Variants in RPS6KA5 observed in about 807,000 individuals in gnomAD.
RPS6KA5 encodes ribosomal protein S6 kinase alpha-5.
Under a neutral mutation model 85.5 loss-of-function variants are expected in RPS6KA5, and 27 were observed. The observed-to-expected ratio is 0.32, with a 90% CI of 0.23 to 0.44. The LOEUF (loss-of-function observed/expected upper bound fraction) is 0.44, where lower values mean the gene tolerates loss of function less well. Ranked by LOEUF, RPS6KA5 falls within the 20% of genes least tolerant of loss-of-function variation. The probability of loss-of-function intolerance (pLI) is 1.00; values close to 1 mark genes in which losing one functional copy is unlikely to be tolerated. For synonymous variants in RPS6KA5, 334 were observed against 348.2 expected (o/e 0.96, Z 0.46); for missense variants, 811 against 980.9 (o/e 0.83, Z 2.31).
At chr14:90,956,489 A>C (rs763265132) in intron 3 of RPS6KA5, among the ~76,000 whole-genome samples, 9 of 152,130 alleles carry the variant, frequency 5.9e-5, no homozygotes, top group Admixed American at 3.3e-4. Context: ...CTTTTGATTA[A>C]AATGTTTAAT....
chr14:91,031,398 A>G (rs1595513156), intron 1 of RPS6KA5, among the ~76,000 whole-genome samples: 1 of 152,258 alleles, frequency 6.6e-6, no homozygotes, highest in African/African-American at 2.4e-5. Flanking sequence ...ATACTAAAAA[A>G]GAGGACAGCC....
intron 14 of RPS6KA5, among the ~76,000 whole-genome samples, chr14:90,877,865 G>A (rs1347930327): frequency 2.6e-5 from 4 of 152,122 alleles, no homozygotes; most frequent in African/African-American, 9.7e-5. Flanking sequence ...ATTTCTTCGC[G>A]GGTAAAAGTA....
At chr14:91,041,806 G>A (rs1442224981) in intron 1 of RPS6KA5, among the ~76,000 whole-genome samples, 1 of 152,192 alleles carries the variant, frequency 6.6e-6, no homozygotes, top group Non-Finnish European at 1.5e-5. Flanking sequence ...CACTTACCTT[G>A]AAGACTTACT....
At chr14:90,964,900 G>A (rs1278335123) in intron 3 of RPS6KA5, among the ~76,000 whole-genome samples, 1 of 131,568 alleles carries the variant, frequency 7.6e-6, no homozygotes, top group African/African-American at 2.9e-5. Flanking sequence ...TGGCAAGAGA[G>A]TGAGACCCTG....
intron 5 of RPS6KA5, 158 bp from the exon 6 acceptor site, chr14:90,923,354 T>A: frequency 1.6e-6 from 1 of 623,116 alleles, no homozygotes; most frequent in South Asian, 1.9e-5. Context: ...CAGACCACTG[T>A]CTACATAATA....
chr14:90,928,481 A>G (rs919461893), intron 5 of RPS6KA5, among the ~76,000 whole-genome samples: 2 of 151,884 alleles, frequency 1.3e-5, no homozygotes, highest in Non-Finnish European at 2.9e-5. Flanking sequence ...AGACTAATAA[A>G]ATGGACACTT....
chr14:90,863,326 A>AAAAAAAAG lies in RPS6KA5; in HGVS notation c.*8747_*8748insCTTTTTTT, dbSNP rs1566662643. 1 of 141,500 alleles carries AAAAAAAAG rather than the reference A, an allele frequency of 7.1e-6. No homozygotes were observed. Among genetic ancestry groups the AAAAAAAAG allele is most frequent in the African/African-American group, 2.8e-5 (1 of 35,484 alleles). The allele number at this position is 141,500 out of a possible 1,614,324, so 8.8% of individuals were successfully genotyped here. ...TCAAAAAAAAAAAAAAAAAAAAAAA[A>AAAAAAAAG]AAAAGAAAAGAAAAGAAAAAAATAT... On this transcript the variant is annotated 3_prime_UTR_variant, in exon 17 of 17. Transcript: ENST00000614987.
At chr14:90,916,700 C>A (rs1045088302) in intron 7 of RPS6KA5, among the ~76,000 whole-genome samples, 1 of 142,218 alleles carries the variant, frequency 7.0e-6, no homozygotes, top group East Asian at 2.2e-4. Context: ...CACACACACA[C>A]AAAACCATGA....
At chr14:91,057,503 A>G (rs1174681474) in intron 1 of RPS6KA5, among the ~76,000 whole-genome samples, 4 of 152,148 alleles carry the variant, frequency 2.6e-5, no homozygotes, top group Non-Finnish European at 5.9e-5. Context: ...AGACTGTAAT[A>G]CAAGTAAATG....
intron 2 of RPS6KA5, among the ~76,000 whole-genome samples, chr14:90,983,619 G>A (rs531882921): frequency 1.4e-5 from 2 of 147,000 alleles, no homozygotes; most frequent in South Asian, 4.3e-4. Context: ...AAAGAAGAAA[G>A]AAGAGAGAGA....
At chr14:90,881,831 A>T (rs1429935542) in intron 14 of RPS6KA5, among the ~76,000 whole-genome samples, 1 of 152,162 alleles carries the variant, frequency 6.6e-6, no homozygotes, top group Non-Finnish European at 1.5e-5. Context: ...TTTGCATGGA[A>T]TATCTTTTCC....
At chr14:90,890,779 T>G (rs549783138) in intron 13 of RPS6KA5, 101 bp from the exon 14 acceptor site, 22 of 1,085,032 alleles carry the variant, frequency 2.0e-5, no homozygotes, top group Non-Finnish European at 1.9e-5. Context: ...TTGATTCATG[T>G]GCAGAGAGGT....
intron 2 of RPS6KA5, among the ~76,000 whole-genome samples, chr14:90,984,761 AAAGTT>A (rs1211301642): frequency 6.6e-6 from 1 of 152,220 alleles, no homozygotes; most frequent in East Asian, 1.9e-4. Flanking sequence ...ATAATAAAGA[AAAGTT>A]AAAAATGACT....
chr14:90,899,626 C>T (rs532399396), intron 11 of RPS6KA5, among the ~76,000 whole-genome samples: 1 of 152,232 alleles, frequency 6.6e-6, no homozygotes, highest in East Asian at 1.9e-4. Flanking sequence ...ATTTCTGAGT[C>T]AGAAAAGTAC....
At chr14:91,044,204 G>C (rs1174534053) in intron 1 of RPS6KA5, among the ~76,000 whole-genome samples, 1 of 150,904 alleles carries the variant, frequency 6.6e-6, no homozygotes, top group African/African-American at 2.4e-5. Context: ...TCTGGCCTGG[G>C]CAACAAGAGT....
chr14:90,989,293 G>A (rs999021868), intron 2 of RPS6KA5, among the ~76,000 whole-genome samples: 10 of 152,122 alleles, frequency 6.6e-5, no homozygotes, highest in African/African-American at 2.4e-4. Context: ...TAAACAACAA[G>A]AGTGTCAAGA....
chr14:90,977,570 T>C (rs886530404), intron 3 of RPS6KA5, among the ~76,000 whole-genome samples: 5 of 151,926 alleles, frequency 3.3e-5, no homozygotes, highest in African/African-American at 1.2e-4. Flanking sequence ...CAGAAGTCTT[T>C]TCTTTCTTTT....
At position 91,060,179 on chromosome 14, in the gene RPS6KA5, C is replaced by A. The variant is rs1397468008; in HGVS notation, c.103+153G>T. The A allele has an allele frequency of 3.1e-6, 3 of 973,304 alleles. No individual in the cohort carries two copies. The African/African-American group carries it at 5.3e-5, about 17-fold the overall frequency. The allele number at this position is 973,304 out of a possible 1,614,324, so 60.3% of individuals were successfully genotyped here. ...GCGCGCCCCCACCTCCCGGGACCCC[C>A]GGGGCACGCGCCCCGACCGCGACGC... On this transcript the variant is annotated intron_variant, in intron 1 of 16. Coordinates refer to ENST00000614987, the MANE Select transcript of RPS6KA5 (RefSeq NM_004755.4).
intron 3 of RPS6KA5, among the ~76,000 whole-genome samples, chr14:90,976,318 A>G (rs1456418602): frequency 1.3e-5 from 2 of 152,074 alleles, no homozygotes; most frequent in Non-Finnish European, 2.9e-5. Flanking sequence ...ACAACCTTAG[A>G]CACATGATTT....
Sources: allele counts gnomAD v4.1 joint callset (sites outside exome capture counted in the v4.1 genomes callset), GRCh38; gene constraint gnomAD v4.1.1; transcripts MANE v1.5; gene names NCBI Gene and HGNC (gene_info 2026-07-23, HGNC 2026-07-21).